The following TOP1MT variants were observed in gnomAD, a reference collection of about 807,000 sequenced individuals.
TOP1MT encodes DNA topoisomerase I, mitochondrial.
In TOP1MT, 80 loss-of-function variants were observed where a neutral mutation model predicts 73.9. The observed-to-expected ratio is 1.08, with a 90% CI of 0.90 to 1.30. The LOEUF is 1.30. Ranked by LOEUF, TOP1MT falls within the 50% of genes most tolerant of loss-of-function variation. The probability of loss-of-function intolerance (pLI) is 0.00; values close to 1 mark genes in which losing one functional copy is unlikely to be tolerated. For missense variants in TOP1MT, 815 were observed against 808.0 expected (o/e 1.01, Z -0.10); for synonymous variants, 338 against 326.4 (o/e 1.04, Z -0.38).
At chr8:143,322,152 C>CAG (rs1461613280) in intron 7 of TOP1MT, among the ~76,000 whole-genome samples, 3 of 114,644 alleles carry the variant, frequency 2.6e-5, no homozygotes, top group South Asian at 3.6e-4. Context: ...GCACGCCACA[C>CAG]GCACGCCACA....
chr8:143,347,440 C>A (rs1413355887), upstream of TOP1MT, among the ~76,000 whole-genome samples: 1 of 152,176 alleles, frequency 6.6e-6, no homozygotes, highest in Admixed American at 6.5e-5. Flanking sequence ...CAGGCATGAG[C>A]CACCGCACCC....
At chr8:143,325,937 G>A (rs1586765875) in intron 4 of TOP1MT, among the ~76,000 whole-genome samples, 1 of 152,222 alleles carries the variant, frequency 6.6e-6, no homozygotes. Flanking sequence ...GCAAGAAGCC[G>A]ACTGGCCTGC....
intron 1 of TOP1MT, among the ~76,000 whole-genome samples, chr8:143,354,434 C>T (rs1050874985): frequency 6.6e-5 from 10 of 152,056 alleles, no homozygotes; most frequent in Non-Finnish European, 8.8e-5. Context: ...AAACGTTAGC[C>T]GGGCGTGGTG....
chr8:143,309,671 A>G, intron 13 of TOP1MT, 128 bp from the exon 14 acceptor site: 1 of 1,527,544 alleles, frequency 6.5e-7, no homozygotes, highest in Non-Finnish European at 8.8e-7. Flanking sequence ...TGTAGCTGGG[A>G]CCTGCTCCTC....
upstream of TOP1MT, chr8:143,359,529 C>T (rs1413974392): frequency 4.5e-6 from 3 of 669,070 alleles, no homozygotes; most frequent in East Asian, 1.4e-4. Flanking sequence ...GCCAAGGGAG[C>T]GATGAGGAGG....
chr8:143,322,039 A>T lies in TOP1MT; in HGVS notation c.961-653T>A, dbSNP rs1261437968. 1.0e-3 allele frequency among the ~76,000 whole-genome samples: 114 copies of T among 108,786 alleles called. 1 individual carries two copies. Among genetic ancestry groups the T allele is most frequent in the South Asian group, 7.1e-3 (16 of 2,246 alleles). The allele number at this position is 108,786 out of a possible 152,430, so 71.4% of individuals were successfully genotyped here. On this transcript the variant is annotated intron_variant, in intron 7 of 13. Coordinates refer to ENST00000329245, the MANE Select transcript of TOP1MT (RefSeq NM_052963.3). ...CCACACCCACAGGCACGCCATACAGATGCATGCCACACACACAGGCACGCC... is the reference window on the plus strand; with the variant it reads ...CCACACCCACAGGCACGCCATACAGTTGCATGCCACACACACAGGCACGCC...
At chr8:143,312,598 C>T (rs1252307328) in intron 12 of TOP1MT, among the ~76,000 whole-genome samples, 1 of 152,134 alleles carries the variant, frequency 6.6e-6, no homozygotes, top group Non-Finnish European at 1.5e-5. Flanking sequence ...GAAAAACCTA[C>T]AGTTAACATC....
rs1390357560 is a variant in TOP1MT, at chr8:143,321,251, G to A, written c.1096C>T (p.Leu366=). The A allele has an allele frequency of 1.2e-6, 2 of 1,612,328 alleles. No individual in the cohort carries two copies. Among genetic ancestry groups the A allele is most frequent in the African/African-American group, 2.7e-5 (2 of 74,962 alleles). ...TAGTAGCGGATGCAGTCCTTCCCCA[G>A]GAAGTCAAATTCCACCACGTGTTGG... ...GCQHVVEFDF[L]GKDCIRYYNR... is the part of the protein sequence containing the mutation. Residue 366 remains leucine (L), a synonymous_variant, in exon 8 of 14, where the codon CTG becomes TTG. Transcript: ENST00000329245.
chr8:143,327,508 G>A lies in TOP1MT; in HGVS notation c.361-1164C>T, dbSNP rs573786524. ...GGGATGGGGATGATCCGCCTCTTCC[G>A]AGGAGCTCAGGTACGACACCATCTG... On this transcript the variant is annotated intron_variant, in intron 3 of 13. Transcript: ENST00000329245. 6 of 164,764 alleles carry A rather than the reference G, an allele frequency of 3.6e-5. No homozygotes were observed. The South Asian group carries it at 5.5e-4, about 15-fold the overall frequency. The allele number at this position is 164,764 out of a possible 1,614,324, so 10.2% of individuals were successfully genotyped here.
intron 1 of TOP1MT, chr8:143,332,485 A>C: frequency 1.6e-6 from 2 of 1,289,010 alleles, no homozygotes; most frequent in Non-Finnish European, 2.0e-6. Flanking sequence ...TCACACCCCC[A>C]CCTGCCAGAG....
In TOP1MT at chr8:143,340,266, T is replaced by C. The variant is rs190128508; in HGVS notation, c.29+2954A>G. Reference sequence around the variant, plus strand: ...CACAGCATTCCCACACTCCCAGCACTGGTCTACACAGCATTCCCCCCTCCC... The same window carrying C: ...CACAGCATTCCCACACTCCCAGCACCGGTCTACACAGCATTCCCCCCTCCC... On this transcript the variant is annotated intron_variant, in intron 2 of 5. Coordinates refer to the TOP1MT transcript ENST00000518007. Among the ~76,000 whole-genome samples, 40 of 37,492 alleles carry C rather than the reference T, an allele frequency of 1.1e-3. 4 individuals carry two copies. The highest frequency in any genetic ancestry group is 0.017 in the Middle Eastern group (1 of 60). The allele number at this position is 37,492 out of a possible 152,430, so 24.6% of individuals were successfully genotyped here. A position where few individuals can be genotyped will look rare whatever the true frequency, so the allele number is the denominator to read the frequency against.
intron 10 of TOP1MT, among the ~76,000 whole-genome samples, chr8:143,317,381 C>G (rs1197908299): frequency 1.3e-5 from 2 of 152,312 alleles, no homozygotes; most frequent in East Asian, 3.9e-4. Flanking sequence ...GGGACAGAAC[C>G]ACTGGAAAGT....
At chr8:143,324,212 C>G (rs1008906735) in intron 6 of TOP1MT, 70 bp from the exon 7 acceptor site, 268 of 1,582,620 alleles carry the variant, frequency 1.7e-4, no homozygotes, top group Non-Finnish European at 2.2e-4. Flanking sequence ...GCTGTCAACT[C>G]TCCCTCCCCC....
chr8:143,310,959 C>CA (rs1815996221), intron 12 of TOP1MT, among the ~76,000 whole-genome samples: 1 of 128,146 alleles, frequency 7.8e-6, no homozygotes, highest in African/African-American at 2.8e-5. Flanking sequence ...TTTCTCTTGG[C>CA]TTTTTTTTTT....
chr8:143,337,296 T>C (rs1002968571), upstream of TOP1MT, among the ~76,000 whole-genome samples: 2 of 151,992 alleles, frequency 1.3e-5, no homozygotes, highest in South Asian at 2.1e-4. Flanking sequence ...TCCCAGCTAT[T>C]TGGGAGGCTG....
intron 8 of TOP1MT, among the ~76,000 whole-genome samples, chr8:143,319,123 A>G (rs1340171417): frequency 6.6e-6 from 1 of 151,182 alleles, no homozygotes; most frequent in East Asian, 2.0e-4. Flanking sequence ...TCTGTCTCCT[A>G]CCTCCGATTA....
At chr8:143,358,636 C>A (rs925217311), upstream of TOP1MT, 1 of 152,342 alleles carries the variant, frequency 6.6e-6, no homozygotes, top group African/African-American at 2.4e-5. Flanking sequence ...CCGACTGTCT[C>A]CCATCACCTA....
At chr8:143,315,056 A>C (rs562109373) in intron 12 of TOP1MT, among the ~76,000 whole-genome samples, 175 of 152,246 alleles carry the variant, frequency 1.1e-3, no homozygotes, top group African/African-American at 4.1e-3. Context: ...TAGCGGTAGC[A>C]TCAGTGTCAA....
intron 4 of TOP1MT, 39 bp downstream of exon 4, chr8:143,326,166 CGGCCTCTCGTTCCCAGG>C: frequency 6.3e-7 from 1 of 1,599,484 alleles, no homozygotes; most frequent in Non-Finnish European, 8.5e-7. Context: ...TGGGCCAGGC[CGGCCTCTCGTTCCCAGG>C]GGCCACTTCA....
Sources: gnomAD v4.1 joint callset for allele counts (sites outside exome capture counted in the v4.1 genomes callset) on GRCh38, gnomAD v4.1.1 for gene constraint, MANE v1.5 for transcripts, NCBI Gene and HGNC (gene_info 2026-07-23, HGNC 2026-07-21) for gene names.